The following FKBP11 variants were observed in gnomAD, a reference collection of about 807,000 sequenced individuals.
FKBP11 encodes peptidyl-prolyl cis-trans isomerase FKBP11.
FKBP11 carries 21 observed loss-of-function variants against 24.7 expected under a neutral mutation model. The ratio of observed to expected loss-of-function variants is 0.85; its 90% CI spans 0.60 to 1.23. The LOEUF is 1.23. FKBP11 is among the 50% of genes most tolerant of loss of function. FKBP11 has a pLI of 0.00. For synonymous variants in FKBP11, 106 were observed against 100.6 expected (o/e 1.05, Z -0.32); for missense variants, 245 against 248.7 (o/e 0.99, Z 0.10).
At chr12:48,938,714 T>C in the FKBP11 span, 7 of 580,226 alleles carry the variant, frequency 1.2e-5, no homozygotes, top group Non-Finnish European at 2.1e-5. Flanking sequence ...ACTTTTTGTT[T>C]TAAATCCAGT....
upstream of FKBP11, chr12:48,925,669 A>G (rs150129909): frequency 6.3e-4 from 364 of 575,666 alleles, 1 homozygote; most frequent in African/African-American, 5.8e-3. Flanking sequence ...CATCCGTTAG[A>G]CGTTCTGTCC....
At chr12:48,929,895 TATC>T (rs777219579), upstream of FKBP11, among the ~76,000 whole-genome samples, 82 of 152,352 alleles carry the variant, frequency 5.4e-4, 1 homozygote, top group Non-Finnish European at 7.1e-4. Context: ...TAAGCTCAAA[TATC>T]ATTTCCTCTG....
At chr12:48,935,110 G>C in the FKBP11 span, among the ~76,000 whole-genome samples, 1 of 151,612 alleles carries the variant, frequency 6.6e-6, no homozygotes, top group Non-Finnish European at 1.5e-5. Flanking sequence ...GAACTTTGGA[G>C]AAGCCTGGAA....
the FKBP11 span, chr12:48,931,650 C>T: frequency 1.8e-5 from 11 of 595,474 alleles, no homozygotes; most frequent in South Asian, 1.7e-4. Context: ...CCTGGGCTTC[C>T]AAGACTCATG....
chr12:48,936,069 C>G, the FKBP11 span: 2 of 152,278 alleles, frequency 1.3e-5, no homozygotes, highest in African/African-American at 4.8e-5. Flanking sequence ...ACCTTACTCT[C>G]TATCAATCAA....
intron 5 of FKBP11, 24 bp from the exon 6 acceptor site, chr12:48,922,225 G>A (rs1207886198): frequency 2.5e-6 from 4 of 1,586,768 alleles, no homozygotes; most frequent in Non-Finnish European, 1.7e-6. Flanking sequence ...GGGGTGGAGA[G>A]GGTTAGACTC....
At chr12:48,925,598 G>T, upstream of FKBP11, 1 of 866,144 alleles carries the variant, frequency 1.2e-6, no homozygotes, top group Non-Finnish European at 1.7e-6. Context: ...ACCTCCGAAA[G>T]GGAGGAGGCC....
chr12:48,932,243 ATATATATATATATATATATTTTTTTT>A, the FKBP11 span, among the ~76,000 whole-genome samples: 1 of 37,442 alleles, frequency 2.7e-5, no homozygotes, highest in African/African-American at 1.2e-4. Flanking sequence ...ATATATATAT[ATATATATATATATATATATTTTTTTT>A]TTTTTTTTTT....
At chr12:48,929,729 T>C (rs1392315154), upstream of FKBP11, among the ~76,000 whole-genome samples, 1 of 152,216 alleles carries the variant, frequency 6.6e-6, no homozygotes. Context: ...TAGTATAGTG[T>C]CTGACACATC....
At position 48,925,084 on chromosome 12, in the gene FKBP11, G is replaced by C. The variant is rs1939930486; in HGVS notation, c.157C>G (p.Pro53Ala). ...TGAAGCGTGTCTCCAAAAGCAGCGG[G>C]CTCGGCACATGGTTCTGGGGGCTCC... The part of the protein sequence containing the change: ...LVEPPEPCAE[P>A]AAFGDTLHIH... The change falls in exon 2 of 6, where the codon CCC becomes GCC. Residue 53 changes from proline to alanine, a missense_variant. Transcript: ENST00000550765. 6.2e-7 allele frequency: 1 copy of C among 1,613,886 alleles called. No homozygotes were observed. Among genetic ancestry groups the C allele is most frequent in the Non-Finnish European group, 8.5e-7 (1 of 1,179,954 alleles).
chr12:48,933,491 C>A, the FKBP11 span, among the ~76,000 whole-genome samples: 15 of 152,258 alleles, frequency 9.9e-5, no homozygotes, highest in Admixed American at 9.8e-4. Flanking sequence ...CACTTGAGGT[C>A]ACAAGTTCAA....
upstream of FKBP11, among the ~76,000 whole-genome samples, chr12:48,927,976 G>A (rs1025085099): frequency 3.4e-5 from 5 of 148,986 alleles, no homozygotes; most frequent in Non-Finnish European, 7.4e-5. Flanking sequence ...AAGGGGGAAA[G>A]AGTAGTTCAA....
upstream of FKBP11, chr12:48,931,390 T>C: frequency 1.3e-6 from 2 of 1,534,624 alleles, no homozygotes; most frequent in South Asian, 1.2e-5. Context: ...GGCAAAACTA[T>C]TAAACACAAT....
chr12:48,927,889 C>G (rs1194665481), upstream of FKBP11, among the ~76,000 whole-genome samples: 1 of 151,806 alleles, frequency 6.6e-6, no homozygotes, highest in Non-Finnish European at 1.5e-5. Flanking sequence ...CCACCAGACA[C>G]TTTTATTTTT....
At chr12:48,932,859 C>G in the FKBP11 span, among the ~76,000 whole-genome samples, 1 of 152,104 alleles carries the variant, frequency 6.6e-6, no homozygotes, top group Non-Finnish European at 1.5e-5. Context: ...AGACAGCTCT[C>G]AATATGCCTG....
At chr12:48,931,329 C>T (rs1417395945), upstream of FKBP11, 3 of 1,221,042 alleles carry the variant, frequency 2.5e-6, no homozygotes, top group Non-Finnish European at 3.5e-6. Context: ...GTTCAGGAAC[C>T]TGAAGGGGAA....
At chr12:48,924,195 C>A in intron 4 of FKBP11, 28 bp downstream of exon 4, 3 of 1,613,540 alleles carry the variant, frequency 1.9e-6, no homozygotes, top group South Asian at 2.2e-5. Context: ...AAGGGGGTAC[C>A]CAGGCCCACC....
chr12:48,923,611 G>T (rs1939885585), intron 5 of FKBP11, 171 bp downstream of exon 5: 2 of 1,554,032 alleles, frequency 1.3e-6, no homozygotes, highest in Non-Finnish European at 1.7e-6. Context: ...GTCCCTGTTG[G>T]TGATATGAGG....
At chr12:48,932,227 T>TTTTA in the FKBP11 span, among the ~76,000 whole-genome samples, 9 of 37,734 alleles carry the variant, frequency 2.4e-4, no homozygotes, top group African/African-American at 1.1e-3. Flanking sequence ...AAACATATAT[T>TTTTA]TATATATATA....
Sources: allele counts gnomAD v4.1 joint callset (sites outside exome capture counted in the v4.1 genomes callset), GRCh38; gene constraint gnomAD v4.1.1; transcripts MANE v1.5; gene names NCBI Gene and HGNC (gene_info 2026-07-23, HGNC 2026-07-21).